The following ANKRD36C variants were observed in gnomAD, a reference collection of about 807,000 sequenced individuals.
ANKRD36C encodes the protein ankyrin repeat domain-containing protein 36C.
Under a neutral mutation model 276.4 loss-of-function variants are expected in ANKRD36C, and 61 were observed. The observed-to-expected ratio is 0.22, with a 90% CI of 0.18 to 0.27. ANKRD36C has a LOEUF of 0.27. ANKRD36C is among the 10% of genes least tolerant of loss of function. The pLI is 1.00. For missense variants in ANKRD36C, 1,447 were observed against 2,032.3 expected, an observed-to-expected ratio of 0.71 and a Z score of 5.54; for synonymous variants, 483 against 680.1, an observed-to-expected ratio of 0.71 and a Z score of 4.51.
At chr2:95,913,957 G>T (rs187449348) in intron 40 of ANKRD36C, 151 bp downstream of exon 42, 199 of 849,958 alleles carry the variant, frequency 2.3e-4, no homozygotes, top group Admixed American at 1.1e-3. Flanking sequence ...AGCAGCATCA[G>T]CATCACCCAA....
chr2:95,969,743 A>G (rs1221552066), intron 6 of ANKRD36C, among the ~76,000 whole-genome samples: 1 of 152,136 alleles, frequency 6.6e-6, no homozygotes, highest in East Asian at 1.9e-4. Flanking sequence ...TCACATAGCC[A>G]TTTTATCATC....
intron 17 of ANKRD36C, among the ~76,000 whole-genome samples, chr2:95,947,582 T>C (rs946413029): frequency 6.6e-6 from 1 of 152,136 alleles, no homozygotes; most frequent in African/African-American, 2.4e-5. Flanking sequence ...TAGAATGAGA[T>C]ACAAAGACCC....
At chr2:95,915,943 G>A (rs760093507) in intron 38 of ANKRD36C, 37 bp downstream of exon 40, 4 of 1,538,212 alleles carry the variant, frequency 2.6e-6, no homozygotes, top group Non-Finnish European at 2.6e-6. Context: ...TTCTTATCTG[G>A]ACTGAACATG....
chr2:95,897,800 C>A (rs1298347917), intron 44 of ANKRD36C, among the ~76,000 whole-genome samples: 2 of 146,842 alleles, frequency 1.4e-5, no homozygotes, highest in Non-Finnish European at 3.1e-5. Flanking sequence ...ACCTGAGAAT[C>A]AATGTCAAAG....
chr2:95,991,388 C>G, intron 1 of ANKRD36C, 124 bp downstream of exon 1: 1 of 1,038,032 alleles, frequency 9.6e-7, no homozygotes. Context: ...CAGCCAGGCA[C>G]CCCCTAGCCC....
chr2:95,894,254 T>C (rs577655635), intron 44 of ANKRD36C: 3 of 163,652 alleles, frequency 1.8e-5, no homozygotes, highest in East Asian at 1.8e-4. Flanking sequence ...ATTGATCACA[T>C]TGGACACCTG....
chr2:95,982,230 A>G, intron 4 of ANKRD36C, 26 bp downstream of exon 4: 4 of 1,484,356 alleles, frequency 2.7e-6, no homozygotes, highest in Non-Finnish European at 3.6e-6. Context: ...GTTTAAAAAC[A>G]ACACAATAAG....
chr2:95,952,699 A>G (rs997199108), intron 14 of ANKRD36C, among the ~76,000 whole-genome samples: 1 of 152,304 alleles, frequency 6.6e-6, no homozygotes, highest in Non-Finnish European at 1.5e-5. Flanking sequence ...CATTCTCAAC[A>G]TTAGAAAAAA....
At chr2:95,914,279 A>G (rs1243441942) in exon 39 of ANKRD36C, 14 of 1,550,844 alleles carry the variant, frequency 9.0e-6, no homozygotes, top group Non-Finnish European at 1.2e-5. Flanking sequence ...CATTACCTTC[A>G]AGCCTGCTGG....
intron 40 of ANKRD36C, among the ~76,000 whole-genome samples, chr2:95,913,415 A>T (rs540190723): frequency 6.6e-6 from 1 of 151,564 alleles, no homozygotes; most frequent in East Asian, 2.0e-4. Context: ...TTATAACTAA[A>T]ATCAACAAAA....
Position 95,919,443 on chromosome 2 carries a change from C to G in ANKRD36C, c.2246-1401G>C, listed in dbSNP as rs577960515. 1.2e-4 allele frequency among the ~76,000 whole-genome samples: 16 copies of G among 133,496 alleles called. 2 individuals carry two copies. Among genetic ancestry groups the G allele is most frequent in the African/African-American group, 4.1e-4 (16 of 39,324 alleles). The allele number at this position is 133,496 out of a possible 152,430, so 87.6% of individuals were successfully genotyped here. A position where few individuals can be genotyped will look rare whatever the true frequency, so the allele number is the denominator to read the frequency against. On this transcript the variant is annotated intron_variant, in intron 34 of 66. Coordinates refer to ENST00000456556, the Ensembl canonical transcript of ANKRD36C. The stretch of plus-strand genomic sequence containing the variant: ...GTGAAACCATGCTGTAGAATTAATG[C>G]AAAACTATGCTGTTCCCCAGAACCC...
Position 95,960,461 on chromosome 2 carries a change from T to C in ANKRD36C, c.1003+12A>G. 1 of 1,540,080 alleles carries C rather than the reference T, an allele frequency of 6.5e-7. No individual in the cohort carries two copies. Among genetic ancestry groups the C allele is most frequent in the Admixed American group, 2.0e-5 (1 of 50,892 alleles). On this transcript the variant is annotated intron_variant, in intron 10 of 66. Coordinates refer to ENST00000456556, the Ensembl canonical transcript of ANKRD36C. ...CAGTGAACGTGGCATTAAATGTGTA[T>C]TGCAAAATTACCTGTCCCAGATTTT...
intron 12 of ANKRD36C, among the ~76,000 whole-genome samples, chr2:95,957,816 T>C (rs1303405601): frequency 1.3e-5 from 2 of 152,268 alleles, no homozygotes; most frequent in African/African-American, 2.4e-5. Context: ...ATTGCTATTT[T>C]ATCCAAAAGT....
intron 1 of ANKRD36C, among the ~76,000 whole-genome samples, chr2:95,987,691 G>T (rs909772845): frequency 7.2e-6 from 1 of 139,608 alleles, no homozygotes; most frequent in African/African-American, 2.7e-5. Flanking sequence ...GCGCAATCTC[G>T]GCTCACTGCA....
intron 46 of ANKRD36C, among the ~76,000 whole-genome samples, chr2:95,890,840 G>C (rs1047999261): frequency 1.3e-5 from 2 of 151,484 alleles, no homozygotes; most frequent in Non-Finnish European, 3.0e-5. Flanking sequence ...TTCTAAAATA[G>C]ACTTTTTGGG....
At chr2:95,967,669 A>G (rs1317624081) in intron 6 of ANKRD36C, among the ~76,000 whole-genome samples, 1 of 152,020 alleles carries the variant, frequency 6.6e-6, no homozygotes, top group Non-Finnish European at 1.5e-5. Context: ...GTGTGTATAT[A>G]TATATATGTA....
chr2:95,987,760 T>C (rs941405832), intron 1 of ANKRD36C, among the ~76,000 whole-genome samples: 2 of 152,198 alleles, frequency 1.3e-5, no homozygotes, highest in African/African-American at 4.8e-5. Context: ...TAGCTGGGAC[T>C]ACAGGCGCCC....
At chr2:95,951,545 T>C (rs1394874703) in intron 14 of ANKRD36C, 137 bp from the exon 15 acceptor site, 1 of 656,858 alleles carries the variant, frequency 1.5e-6, no homozygotes, top group Admixed American at 3.0e-5. Context: ...ACCTCAAGTC[T>C]GCCATTTACT....
chr2:95,888,384 A>G (rs1037222780), intron 48 of ANKRD36C, among the ~76,000 whole-genome samples: 24 of 151,722 alleles, frequency 1.6e-4, no homozygotes, highest in African/African-American at 5.8e-4. Flanking sequence ...GTCAATATCA[A>G]TGTGGATATG....
Sources: gnomAD v4.1 joint callset for allele counts (sites outside exome capture counted in the v4.1 genomes callset) on GRCh38, gnomAD v4.1.1 for gene constraint, MANE v1.5 for transcripts, NCBI Gene and HGNC (gene_info 2026-07-23, HGNC 2026-07-21) for gene names.